Variants in HPS3 observed in about 807,000 individuals in gnomAD.
The protein encoded by HPS3 is BLOC-2 complex member HPS3.
A neutral mutation model predicts 110.9 loss-of-function variants in HPS3; 79 were observed. The observed-to-expected ratio is 0.71, with a 90% CI of 0.59 to 0.86. The LOEUF (loss-of-function observed/expected upper bound fraction) is 0.86. Ranked by LOEUF, HPS3 falls within the 40% of genes least tolerant of loss-of-function variation. HPS3 has a pLI of 0.00. For missense variants in HPS3, 1,197 were observed against 1,206.2 expected, an observed-to-expected ratio of 0.99 and a Z score of 0.11; for synonymous variants, 428 against 451.0, an observed-to-expected ratio of 0.95 and a Z score of 0.65.
intron 6 of HPS3, among the ~76,000 whole-genome samples, chr3:149,152,029 T>C (rs1454253712): frequency 1.3e-5 from 2 of 152,176 alleles, no homozygotes; most frequent in Non-Finnish European, 2.9e-5. Flanking sequence ...GTGACCCTTT[T>C]TAATGGCCTG....
chr3:149,156,014 A>G (rs963964052), intron 8 of HPS3, among the ~76,000 whole-genome samples: 5 of 152,204 alleles, frequency 3.3e-5, no homozygotes, highest in Non-Finnish European at 7.3e-5. Context: ...AGCTTGGGTG[A>G]CACAGCAAGA....
Position 149,159,585 on chromosome 3 carries a change from C to A in HPS3, c.1873-461C>A, listed in dbSNP as rs372817066. Among the ~76,000 whole-genome samples the A allele has an allele frequency of 7.9e-5, 12 of 152,186 alleles. No homozygotes were observed. The East Asian group carries it at 1.2e-3, about 15-fold the overall frequency. On this transcript the variant is annotated intron_variant, in intron 10 of 16. Coordinates refer to ENST00000296051, the MANE Select transcript of HPS3 (RefSeq NM_032383.5). Reference sequence around the variant, plus strand: ...CTTAGAGAGAAAAAAGAAACGATAACCCCTCATGTATTTTATACATAGTTG... The same window carrying A: ...CTTAGAGAGAAAAAAGAAACGATAAACCCTCATGTATTTTATACATAGTTG...
chr3:149,151,636 A>C (rs1723130397), intron 6 of HPS3, among the ~76,000 whole-genome samples: 1 of 149,464 alleles, frequency 6.7e-6, no homozygotes, highest in African/African-American at 2.5e-5. Context: ...CCACAGAATA[A>C]ATGTAGGCAT....
In HPS3 at chr3:149,131,147, G is replaced by A. The variant is rs578201479; in HGVS notation, c.217+1207G>A. On this transcript the variant is annotated intron_variant, in intron 1 of 16. Coordinates refer to ENST00000296051, the MANE Select transcript of HPS3 (RefSeq NM_032383.5). ...TAAAAAAAAAAAAAAAAAACAAAAAGTTGAATAAATAGATCAGTGATATCC... is the reference window on the plus strand; with the variant it reads ...TAAAAAAAAAAAAAAAAAACAAAAAATTGAATAAATAGATCAGTGATATCC... Among the ~76,000 whole-genome samples the A allele has an allele frequency of 3.3e-4, 48 of 146,120 alleles. 1 individual carries two copies. In the South Asian group the frequency reaches 1.0e-2, roughly 30 times the overall value.
At chr3:149,164,931 A>G (rs531364709) in intron 14 of HPS3, among the ~76,000 whole-genome samples, 54 of 152,262 alleles carry the variant, frequency 3.5e-4, no homozygotes, top group South Asian at 1.0e-3. Context: ...GAACTACACT[A>G]TAAGTGTAGT....
Position 149,140,007 on chromosome 3 carries a change from A to G in HPS3, c.221A>G (p.Asp74Gly), listed in dbSNP as rs762341889. Reference sequence around the variant, plus strand: ...TATAATCTTCATTCCTTCTCAGGAGATTATTTGGTAGCAATTGAAGAGAAA... The same window carrying G: ...TATAATCTTCATTCCTTCTCAGGAGGTTATTTGGTAGCAATTGAAGAGAAA... ...VLRLAYSEAG[D>G]YLVAIEEKNK... Residue 74 changes from aspartate (D) to glycine (G), a missense_variant, in exon 2 of 17, where the codon GAT becomes GGT. Physicochemically the swap from Asp to Gly is moderately conservative, Grantham distance 94 (BLOSUM62 -1). Transcript: ENST00000296051. 4.3e-6 allele frequency: 7 copies of G among 1,612,802 alleles called. No homozygotes were observed. The highest frequency in any genetic ancestry group is 5.9e-6 in the Non-Finnish European group (7 of 1,179,038).
intron 1 of HPS3, among the ~76,000 whole-genome samples, chr3:149,137,396 A>T (rs182666040): frequency 1.3e-5 from 2 of 152,348 alleles, no homozygotes; most frequent in East Asian, 3.9e-4. Flanking sequence ...AACACAGCCT[A>T]TGTGGAAAAC....
Position 149,129,816 on chromosome 3 carries a change from C to T in HPS3, c.93C>T (p.Asp31=), listed in dbSNP as rs1433682650. The T allele has an allele frequency of 5.0e-6, 8 of 1,605,954 alleles. No individual in the cohort carries two copies. The Admixed American group carries it at 1.0e-4, about 20-fold the overall frequency. ...EPDRFCGGGR[D]ALFVAAGCKV... is the part of the protein sequence containing the mutation. The stretch of plus-strand genomic sequence containing the variant: ...ACCGGTTCTGTGGCGGGGGGCGTGA[C>T]GCGCTTTTCGTGGCGGCGGGCTGCA... The change falls in exon 1 of 17, where the codon GAC becomes GAT. Residue 31 remains aspartate (D), a synonymous_variant. Coordinates refer to ENST00000296051, the MANE Select transcript of HPS3 (RefSeq NM_032383.5).
At position 149,140,449 on chromosome 3, in the gene HPS3, TCAC is replaced by T; in HGVS notation, c.669_671del (p.His224del). 1 of 1,613,200 alleles carries T rather than the reference TCAC, an allele frequency of 6.2e-7. No individual in the cohort carries two copies. Reference sequence around the variant, plus strand: ...CAGGCCCTAAAAATGGAGAGAGAGTTCACCACCATCCACATAAGACCAACAATC... The same window carrying T: ...CAGGCCCTAAAAATGGAGAGAGAGTTCACCATCCACATAAGACCAACAATC... On this transcript the variant is annotated inframe_deletion, in exon 2 of 17. Coordinates refer to ENST00000296051, the MANE Select transcript of HPS3 (RefSeq NM_032383.5).
intron 1 of HPS3, among the ~76,000 whole-genome samples, chr3:149,138,776 A>G (rs1722269760): frequency 6.6e-6 from 1 of 152,232 alleles, no homozygotes; most frequent in Non-Finnish European, 1.5e-5. Context: ...TACATGGCTG[A>G]TAAACGTAGG....
chr3:149,142,991 G>A (rs1407754608), intron 4 of HPS3, among the ~76,000 whole-genome samples: 1 of 152,192 alleles, frequency 6.6e-6, no homozygotes, highest in Non-Finnish European at 1.5e-5. Flanking sequence ...CCAGGCAGAA[G>A]CAGCAGCAAA....
intron 5 of HPS3, among the ~76,000 whole-genome samples, chr3:149,145,999 T>C (rs1418484674): frequency 1.3e-5 from 2 of 152,180 alleles, no homozygotes; most frequent in Non-Finnish European, 2.9e-5. Flanking sequence ...TTGGCACAGA[T>C]AGGGAAGTTG....
At position 149,172,080 on chromosome 3, in the gene HPS3, T is replaced by C. The variant is rs763835209; in HGVS notation, c.2888-15T>C. 1.2e-6 allele frequency: 2 copies of C among 1,611,378 alleles called. No individual in the cohort carries two copies. Among genetic ancestry groups the C allele is most frequent in the Admixed American group, 3.3e-5 (2 of 59,994 alleles). ...CAGACTTTCAATTCTAATTCAGATA[T>C]TCTTTTCTACACAGAAACATTGTCA... On this transcript the variant is annotated splice_polypyrimidine_tract_variant and intron_variant, in intron 16 of 16. Coordinates refer to ENST00000296051, the MANE Select transcript of HPS3 (RefSeq NM_032383.5).
intron 4 of HPS3, among the ~76,000 whole-genome samples, chr3:149,141,931 A>G (rs1036706892): frequency 1.3e-5 from 2 of 150,220 alleles, no homozygotes; most frequent in Non-Finnish European, 3.0e-5. Flanking sequence ...GCTCACTGCA[A>G]CCTCCACCTC....
intron 14 of HPS3, among the ~76,000 whole-genome samples, chr3:149,166,603 G>A (rs1344059385): frequency 2.0e-5 from 3 of 152,088 alleles, no homozygotes; most frequent in Admixed American, 2.0e-4. Flanking sequence ...CATTATCTGA[G>A]TGTGCCATAT....
In HPS3 at chr3:149,163,905, T is replaced by C. The variant is rs755612681; in HGVS notation, c.2545T>C (p.Ser849Pro). The C allele has an allele frequency of 3.8e-6, 6 of 1,580,232 alleles. No individual in the cohort carries two copies. The highest frequency in any genetic ancestry group is 5.2e-6 in the Non-Finnish European group (6 of 1,149,172). The part of the protein sequence containing the change: ...PWVHVVISSD[S>P]LADKNYTEDL... ...GGTTCACGTCGTAATATCATCTGAT[T>C]CTTTAGCTGATAAAAATTATACAGA... The change falls in exon 14 of 17, where the codon TCT becomes CCT. Residue 849 changes from serine (S) to proline (P), a missense_variant. By Grantham distance (74) the Ser-to-Pro change is moderately conservative (BLOSUM62 -1). Coordinates refer to ENST00000296051, the MANE Select transcript of HPS3 (RefSeq NM_032383.5).
chr3:149,155,643 TG>T (rs1347688447), intron 8 of HPS3, among the ~76,000 whole-genome samples: 2 of 152,144 alleles, frequency 1.3e-5, no homozygotes, highest in African/African-American at 4.8e-5. Context: ...AGCATTGTCC[TG>T]GGGGGAGGGA....
chr3:149,170,206 G>A (rs1415080441), intron 16 of HPS3, among the ~76,000 whole-genome samples: 7 of 152,174 alleles, frequency 4.6e-5, no homozygotes, highest in Admixed American at 4.6e-4. Context: ...GTGATAACCT[G>A]TATTAGCCCC....
chr3:149,159,580 G>A (rs1395205129), intron 10 of HPS3, among the ~76,000 whole-genome samples: 2 of 152,186 alleles, frequency 1.3e-5, no homozygotes, highest in African/African-American at 2.4e-5. Flanking sequence ...AAAAAGAAAC[G>A]ATAACCCCTC....
Sources: allele counts gnomAD v4.1 joint callset (sites outside exome capture counted in the v4.1 genomes callset), GRCh38; gene constraint gnomAD v4.1.1; transcripts MANE v1.5; gene names NCBI Gene and HGNC (gene_info 2026-07-23, HGNC 2026-07-21).